CACNA1I: variants seen among roughly 807,000 people sequenced by gnomAD.
The protein encoded by CACNA1I is voltage-dependent T-type calcium channel subunit alpha-1I.
In CACNA1I, 74 loss-of-function variants were observed where a neutral mutation model predicts 201.6. The ratio of observed to expected loss-of-function variants is 0.37; its 90% CI spans 0.30 to 0.45. CACNA1I has a LOEUF of 0.45. CACNA1I is among the 20% of genes least tolerant of loss of function. The pLI is 1.00. For missense variants in CACNA1I, 2,346 were observed against 3,138.1 expected, an observed-to-expected ratio of 0.75 and a Z score of 6.03; for synonymous variants, 1,431 against 1,345.2, an observed-to-expected ratio of 1.06 and a Z score of -1.40.
In CACNA1I at chr22:39,665,871, C is replaced by G. The variant is rs373371573; in HGVS notation, c.3979-10C>G. The stretch of plus-strand genomic sequence containing the variant: ...CCTGTGAGAGCACCAACCTCACCCC[C>G]TTTCCCCAGCTCTTCAAGGGCAAGT... On this transcript the variant is annotated splice_polypyrimidine_tract_variant and intron_variant, in intron 22 of 36. Transcript: ENST00000402142. The surrounding 1 kb of genome is among the most constrained non-coding windows in gnomAD (Gnocchi z 5.5). The G allele has an allele frequency of 6.2e-7, 1 of 1,613,834 alleles. No individual in the cohort carries two copies. Among genetic ancestry groups the G allele is most frequent in the Admixed American group, 1.7e-5 (1 of 60,032 alleles).
chr22:39,642,840 T>C lies in CACNA1I; in HGVS notation c.1100T>C (p.Met367Thr). The change falls in exon 7 of 37, where the codon ATG becomes ACG. Residue 367 changes from methionine to threonine, a missense_variant. Around this residue, in one of 13 missense-constraint regions of CACNA1I, gnomAD observed 227 missense variants for 412.5 expected, o/e 0.55. Coordinates refer to ENST00000402142, the MANE Select transcript of CACNA1I (RefSeq NM_021096.4). ...TGGGTGGAGATCATGTACTACGTGA[T>C]GGATGCTCACTCCTTCTACAACTTC... ...EGWVEIMYYV[M>T]DAHSFYNFIY... 6.2e-7 allele frequency: 1 copy of C among 1,612,058 alleles called. No homozygotes were observed. Among genetic ancestry groups the C allele is most frequent in the Non-Finnish European group, 8.5e-7 (1 of 1,178,992 alleles).
chr22:39,617,672 C>A (rs1280367794), intron 3 of CACNA1I, among the ~76,000 whole-genome samples: 1 of 152,138 alleles, frequency 6.6e-6, no homozygotes, highest in African/African-American at 2.4e-5. Flanking sequence ...GTTGGGCTCA[C>A]CCACGCGCAG....
rs1217303303 is a variant in CACNA1I, at chr22:39,658,062, G to T, written c.1993-90G>T. The T allele has an allele frequency of 2.2e-5, 30 of 1,389,088 alleles. No individual in the cohort carries two copies. In the Admixed American group the frequency reaches 4.2e-4, roughly 20 times the overall value. The allele number at this position is 1,389,088 out of a possible 1,614,324, so 86.0% of individuals were successfully genotyped here. A position where few individuals can be genotyped will look rare whatever the true frequency, so the allele number is the denominator to read the frequency against. On this transcript the variant is annotated intron_variant, in intron 10 of 36. Coordinates refer to ENST00000402142, the MANE Select transcript of CACNA1I (RefSeq NM_021096.4). ...TATGGTGAGGACACCGACCTGCCAG[G>T]GTCACACAGCCAGGGTGGGTGTCCA...
At chr22:39,578,169 T>C (rs984817376) in intron 1 of CACNA1I, among the ~76,000 whole-genome samples, 2 of 152,002 alleles carry the variant, frequency 1.3e-5, no homozygotes, top group Non-Finnish European at 2.9e-5. Flanking sequence ...GTAAGTGTGT[T>C]GGGAGAGGAA....
intron 4 of CACNA1I, among the ~76,000 whole-genome samples, 181 bp downstream of exon 4, chr22:39,619,588 C>T (rs1933666709): frequency 6.6e-6 from 1 of 151,922 alleles, no homozygotes; most frequent in Non-Finnish European, 1.5e-5. Context: ...TGCCCTGCTC[C>T]CATAGAGCTC....
rs1197436711 is a variant in CACNA1I, at chr22:39,665,631, G to T, written c.3978+7G>T. ...TGGCATCCTGGGAGTGCAGGTGAGG[G>T]GTGCCCAGTCTGGGCAGGGACTGGG... On this transcript the variant is annotated splice_region_variant and intron_variant, in intron 22 of 36. Coordinates refer to ENST00000402142, the MANE Select transcript of CACNA1I (RefSeq NM_021096.4). This position sits in a 1 kb window ranked among gnomAD's most constrained non-coding sequence, Gnocchi z 5.5. The T allele has an allele frequency of 1.9e-6, 3 of 1,613,542 alleles. No homozygotes were observed. In the South Asian group the frequency reaches 3.3e-5, roughly 18 times the overall value.
chr22:39,601,506 T>C (rs1347754191), intron 3 of CACNA1I, among the ~76,000 whole-genome samples: 1 of 152,078 alleles, frequency 6.6e-6, no homozygotes, highest in Non-Finnish European at 1.5e-5. Context: ...ACATTAACCA[T>C]GCCCAAGAGT....
intron 19 of CACNA1I, 67 bp downstream of exon 19, chr22:39,663,908 G>A (rs1935102927): frequency 1.7e-5 from 27 of 1,597,380 alleles, no homozygotes; most frequent in Non-Finnish European, 2.3e-5. Context: ...GGGCTGAGCA[G>A]GGCAGGGAGA....
chr22:39,683,866 C>T (rs770578697), intron 35 of CACNA1I, among the ~76,000 whole-genome samples: 3 of 152,226 alleles, frequency 2.0e-5, no homozygotes, highest in Admixed American at 6.5e-5. Context: ...CAGTAGCCCC[C>T]AGGCCTGGCC....
At position 39,646,776 on chromosome 22, in the gene CACNA1I, G is replaced by A. The variant is rs542075217; in HGVS notation, c.1357G>A (p.Ala453Thr). The A allele has an allele frequency of 7.6e-6, 12 of 1,578,484 alleles. No homozygotes were observed. In the East Asian group the frequency reaches 1.4e-4, roughly 18 times the overall value. The change falls in exon 8 of 37, where the codon GCC becomes ACC. Residue 453 changes from alanine (A) to threonine (T), a missense_variant. Ala to Thr is a moderately conservative substitution (Grantham distance 58). Around this residue, in one of 13 missense-constraint regions of CACNA1I, gnomAD observed 312 missense variants for 331.5 expected, o/e 0.94. Transcript: ENST00000402142. ...CATCCTGCGCAAGGCCAAGCGCCGC[G>A]CCCTGGGCCTCTACCAGGCCCTGCA... ...CHILRKAKRR[A>T]LGLYQALQSR... is the part of the protein sequence containing the mutation.
intron 4 of CACNA1I, among the ~76,000 whole-genome samples, chr22:39,625,729 A>C (rs1227309457): frequency 6.6e-6 from 1 of 151,838 alleles, no homozygotes; most frequent in Non-Finnish European, 1.5e-5. Flanking sequence ...CCAAATTAGG[A>C]GTTGGGAGTC....
chr22:39,621,874 GGCCA>G (rs1173043982), intron 4 of CACNA1I, among the ~76,000 whole-genome samples: 2 of 152,036 alleles, frequency 1.3e-5, no homozygotes, highest in Non-Finnish European at 2.9e-5. Context: ...GCCATTTTAG[GGCCA>G]GCTTCTCTCT....
intron 3 of CACNA1I, among the ~76,000 whole-genome samples, chr22:39,618,436 G>C (rs952204468): frequency 2.0e-5 from 3 of 151,770 alleles, no homozygotes; most frequent in Non-Finnish European, 4.4e-5. Context: ...TGTGTATGCA[G>C]GTGTGTGACT....
chr22:39,659,652 C>T lies in CACNA1I; in HGVS notation c.2449-45C>T, dbSNP rs1461290339. On this transcript the variant is annotated intron_variant, in intron 13 of 36. Transcript: ENST00000402142. This position sits in a 1 kb window ranked among gnomAD's most constrained non-coding sequence, Gnocchi z 4.3. ...TCCCATGCCTCCTTGTAGAGCCTAG[C>T]CCTGGACTAGGGGTACCCCAGGGCT... The T allele has an allele frequency of 1.2e-6, 2 of 1,609,572 alleles. No homozygotes were observed. The highest frequency in any genetic ancestry group is 2.2e-5 in the East Asian group (1 of 44,850).
chr22:39,592,855 TC>T (rs1449303967), intron 1 of CACNA1I, among the ~76,000 whole-genome samples: 2 of 152,092 alleles, frequency 1.3e-5, no homozygotes, highest in Admixed American at 6.5e-5. Context: ...AGACCTTGAC[TC>T]CCCCCGCCAC....
At position 39,674,704 on chromosome 22, in the gene CACNA1I, T is replaced by G. The variant is rs571603064; in HGVS notation, c.4854+671T>G. Among the ~76,000 whole-genome samples, 16 of 151,828 alleles carry G rather than the reference T, an allele frequency of 1.1e-4. No individual in the cohort carries two copies. The South Asian group carries it at 3.3e-3, about 32-fold the overall frequency. On this transcript the variant is annotated intron_variant, in intron 29 of 36. Coordinates refer to ENST00000402142, the MANE Select transcript of CACNA1I (RefSeq NM_021096.4). The stretch of plus-strand genomic sequence containing the variant: ...GACTGCTTGAGGCTCCCCTTCCCCC[T>G]CCCCTCAGGGTGGCCTCTGCTCTCA...
At chr22:39,637,178 A>T (rs1382643562) in intron 5 of CACNA1I, among the ~76,000 whole-genome samples, 1 of 152,054 alleles carries the variant, frequency 6.6e-6, no homozygotes, top group Non-Finnish European at 1.5e-5. Context: ...CTCACTGGGG[A>T]ACTGCATGTG....
In CACNA1I at chr22:39,641,106, G is replaced by A. The variant is rs779077895; in HGVS notation, c.980G>A (p.Arg327His). 8 of 1,613,892 alleles carry A rather than the reference G, an allele frequency of 5.0e-6. No homozygotes were observed. The highest frequency in any genetic ancestry group is 6.8e-6 in the Non-Finnish European group (8 of 1,179,900). The change falls in exon 6 of 37, where the codon CGC becomes CAC. Residue 327 changes from arginine to histidine, a missense_variant. By Grantham distance (29) the Arg-to-His change is conservative. Coordinates refer to ENST00000402142, the MANE Select transcript of CACNA1I (RefSeq NM_021096.4). ...TGGAACCGTTACTACAATGTGTGCC[G>A]CACGGGCAGCGCCAACCCCCACAAG... Reference protein sequence around the residue: ...VNWNRYYNVCRTGSANPHKGA... With the variant: ...VNWNRYYNVCHTGSANPHKGA...
At position 39,677,480 on chromosome 22, in the gene CACNA1I, G is replaced by T. The variant is rs1269075111; in HGVS notation, c.4933+61G>T. The T allele has an allele frequency of 1.3e-5, 16 of 1,221,462 alleles. No individual in the cohort carries two copies. 75.7% of individuals were successfully genotyped at this position (1,221,462 alleles called of 1,614,324 possible). A position where few individuals can be genotyped will look rare whatever the true frequency, so the allele number is the denominator to read the frequency against. ...GCAGCAGGGCTGCAGGAGGAACTGG[G>T]GGGGCGGGGGAGGCCTGAGACCCCT... On this transcript the variant is annotated intron_variant, in intron 30 of 36. Coordinates refer to ENST00000402142, the MANE Select transcript of CACNA1I (RefSeq NM_021096.4). This position sits in a 1 kb window ranked among gnomAD's most constrained non-coding sequence, Gnocchi z 4.8.
Sources: allele counts gnomAD v4.1 joint callset (sites outside exome capture counted in the v4.1 genomes callset), GRCh38; gene constraint gnomAD v4.1.1; regional missense constraint gnomAD v4.1.1; non-coding constraint Gnocchi (gnomAD v3.1); transcripts MANE v1.5; gene names NCBI Gene and HGNC (gene_info 2026-07-23, HGNC 2026-07-21).